The following AOPEP variants were observed in gnomAD, a reference collection of about 807,000 sequenced individuals.
The protein encoded by AOPEP is aminopeptidase O.
A neutral mutation model predicts 98.1 loss-of-function variants in AOPEP; 77 were observed. That is an observed-to-expected ratio of 0.78 (90% confidence interval 0.65 to 0.95). The LOEUF is 0.95. Ranked by LOEUF, AOPEP falls within the 40% of genes least tolerant of loss-of-function variation. The pLI, the probability that AOPEP is intolerant of heterozygous loss-of-function variation, is 0.00. For synonymous variants in AOPEP, 346 were observed against 365.3 expected (o/e 0.95, Z 0.60); for missense variants, 1,024 against 1,024.7 (o/e 1.00, Z 0.01).
chr9:94,883,172 G>A lies in AOPEP; in HGVS notation c.1365-40814G>A, dbSNP rs987683793. 3.3e-5 allele frequency among the ~76,000 whole-genome samples: 5 copies of A among 152,128 alleles called. No homozygotes were observed. In the East Asian group the frequency reaches 5.8e-4, roughly 18 times the overall value. On this transcript the variant is annotated intron_variant, in intron 5 of 16. Coordinates refer to ENST00000375315, the MANE Select transcript of AOPEP (RefSeq NM_001193329.3). ...ACACAATTGGCTCTGCAGGTGCCCC[G>A]CTTCGTTGCCTGCTGTTCCAAGGAG...
At chr9:94,742,704 A>G (rs1033500558) in intron 1 of AOPEP, among the ~76,000 whole-genome samples, 3 of 152,144 alleles carry the variant, frequency 2.0e-5, no homozygotes, top group African/African-American at 7.2e-5. Flanking sequence ...AAATGCTGGG[A>G]TTACAGACGT....
intron 10 of AOPEP, among the ~76,000 whole-genome samples, chr9:94,977,979 A>T (rs1282576494): frequency 6.6e-6 from 1 of 152,146 alleles, no homozygotes; most frequent in Non-Finnish European, 1.5e-5. Context: ...TTGGCTAGGG[A>T]GGACGAGGGG....
chr9:94,989,218 C>G (rs1423761216), intron 11 of AOPEP, among the ~76,000 whole-genome samples: 1 of 152,070 alleles, frequency 6.6e-6, no homozygotes, highest in Non-Finnish European at 1.5e-5. Flanking sequence ...TCTCCCACCT[C>G]AGCCTCCCGA....
chr9:94,992,597 G>A (rs1388496419), intron 11 of AOPEP, among the ~76,000 whole-genome samples: 1 of 152,216 alleles, frequency 6.6e-6, no homozygotes, highest in Non-Finnish European at 1.5e-5. Flanking sequence ...TATAGTGGAT[G>A]AAGACGTCAG....
intron 11 of AOPEP, among the ~76,000 whole-genome samples, chr9:94,991,261 T>C (rs191443211): frequency 1.6e-4 from 25 of 152,328 alleles, no homozygotes; most frequent in South Asian, 2.1e-4. Context: ...TGGAAGCCAT[T>C]ATGTGGTACC....
intron 13 of AOPEP, among the ~76,000 whole-genome samples, chr9:95,048,002 A>G (rs1453248951): frequency 6.6e-6 from 1 of 152,214 alleles, no homozygotes; most frequent in African/African-American, 2.4e-5. Context: ...TATTCACATG[A>G]TATAAGCTAT....
intron 5 of AOPEP, among the ~76,000 whole-genome samples, chr9:94,834,940 G>A (rs1389129594): frequency 6.6e-6 from 1 of 152,128 alleles, no homozygotes; most frequent in African/African-American, 2.4e-5. Flanking sequence ...TTGTTAGATT[G>A]AAGTAATTCA....
intron 10 of AOPEP, among the ~76,000 whole-genome samples, chr9:94,968,694 C>T (rs138716967): frequency 2.1e-3 from 318 of 152,272 alleles, no homozygotes; most frequent in Non-Finnish European, 3.3e-3. Context: ...ACATAATCCC[C>T]CCAAATTTTA....
At chr9:94,795,260 C>T (rs886387818) in intron 4 of AOPEP, among the ~76,000 whole-genome samples, 1 of 152,100 alleles carries the variant, frequency 6.6e-6, no homozygotes, top group Admixed American at 6.5e-5. Context: ...ACATTAATGC[C>T]TCACCTGGAG....
chr9:95,135,681 T>C, the AOPEP span: 3 of 611,178 alleles, frequency 4.9e-6, no homozygotes, highest in Non-Finnish European at 5.8e-6. Context: ...TGCAAAATAA[T>C]GTGAATATGC....
rs894162990 is a variant in AOPEP at position 94,928,437 on chromosome 9, G to A, written c.1567G>A (p.Glu523Lys). The A allele has an allele frequency of 1.5e-4, 228 of 1,548,186 alleles. No individual in the cohort carries two copies. The highest frequency in any genetic ancestry group is 1.8e-4 in the Non-Finnish European group (203 of 1,146,890). The part of the protein sequence containing the change: ...WATAQQLAPY[E>K]AREQQELRAC... Reference sequence around the variant, plus strand: ...TGTGGCTGAGCAGCTGGCCCCCTATGAGGCCCGGGAGCAGCAGGAGCTGAG... The same window carrying A: ...TGTGGCTGAGCAGCTGGCCCCCTATAAGGCCCGGGAGCAGCAGGAGCTGAG... Residue 523 changes from glutamate (E) to lysine (K), a missense_variant, in exon 7 of 17, where the codon GAG (glutamate) becomes AAG (lysine). Around this residue, in one of 3 missense-constraint regions of AOPEP, gnomAD observed 566 missense variants for 551.7 expected, o/e 1.03. Transcript: ENST00000375315.
At chr9:95,144,435 T>C in the AOPEP span, among the ~76,000 whole-genome samples, 148 of 151,896 alleles carry the variant, frequency 9.7e-4, no homozygotes, top group Middle Eastern at 3.5e-3. Flanking sequence ...AGCAAGGGAG[T>C]GTGGGCCTGC....
the AOPEP span, among the ~76,000 whole-genome samples, chr9:95,135,846 G>A: frequency 6.6e-6 from 1 of 152,186 alleles, no homozygotes; most frequent in Non-Finnish European, 1.5e-5. Flanking sequence ...TGAAGAAATA[G>A]GCATGTTCAA....
chr9:94,880,216 T>A (rs192612626), intron 5 of AOPEP, among the ~76,000 whole-genome samples: 7 of 152,220 alleles, frequency 4.6e-5, no homozygotes, highest in Non-Finnish European at 7.4e-5. Context: ...CATAACGATC[T>A]GTGATGATAA....
chr9:94,903,892 T>TAAAC (rs1554764082), intron 5 of AOPEP, among the ~76,000 whole-genome samples: 2 of 96,594 alleles, frequency 2.1e-5, no homozygotes, highest in African/African-American at 8.5e-5. Flanking sequence ...AGACTCTGTC[T>TAAAC]AAAAAAAAAA....
At chr9:94,906,727 C>T (rs889331729) in intron 5 of AOPEP, among the ~76,000 whole-genome samples, 3 of 152,172 alleles carry the variant, frequency 2.0e-5, no homozygotes, top group Non-Finnish European at 4.4e-5. Flanking sequence ...CTGTGACCTC[C>T]CTAAGGACCC....
chr9:95,001,783 T>C (rs1429022808), intron 11 of AOPEP, among the ~76,000 whole-genome samples: 1 of 152,170 alleles, frequency 6.6e-6, no homozygotes, highest in Non-Finnish European at 1.5e-5. Context: ...TATTTACTTA[T>C]TAATATTTTT....
At chr9:94,816,786 G>A (rs1221539800) in intron 5 of AOPEP, among the ~76,000 whole-genome samples, 2 of 152,096 alleles carry the variant, frequency 1.3e-5, no homozygotes, top group African/African-American at 2.4e-5. Context: ...CCCAAAAAGG[G>A]TATCATCTAG....
intron 14 of AOPEP, among the ~76,000 whole-genome samples, chr9:95,070,120 G>A (rs1379511456): frequency 6.6e-6 from 1 of 152,212 alleles, no homozygotes; most frequent in African/African-American, 2.4e-5. Context: ...ATGGGACTGA[G>A]CAGGTAGACG....
Sources: gnomAD v4.1 joint callset for allele counts (sites outside exome capture counted in the v4.1 genomes callset) on GRCh38, gnomAD v4.1.1 for gene constraint, gnomAD v4.1.1 regional missense constraint, MANE v1.5 for transcripts, NCBI Gene and HGNC (gene_info 2026-07-23, HGNC 2026-07-21) for gene names.